TNFRSF1B: variants seen among roughly 807,000 people sequenced by gnomAD.
The protein encoded by TNFRSF1B is tumor necrosis factor receptor superfamily member 1B.
A neutral mutation model predicts 44.6 loss-of-function variants in TNFRSF1B; 19 were observed. The ratio of observed to expected loss-of-function variants is 0.43; its 90% CI spans 0.30 to 0.62. The LOEUF is 0.62. TNFRSF1B is among the 20% of genes least tolerant of loss of function. The probability of loss-of-function intolerance (pLI) is 0.16; values close to 1 mark genes in which losing one functional copy is unlikely to be tolerated. For synonymous variants in TNFRSF1B, 252 were observed against 261.1 expected (o/e 0.97, Z 0.34); for missense variants, 541 against 619.9 (o/e 0.87, Z 1.35).
chr1:12,188,853 T>C lies in TNFRSF1B; in HGVS notation c.136T>C (p.Tyr46His), dbSNP rs1440783235. 1 of 1,613,880 alleles carries C rather than the reference T, an allele frequency of 6.2e-7. No homozygotes were observed. The highest frequency in any genetic ancestry group is 8.5e-7 in the Non-Finnish European group (1 of 1,179,876). Residue 46 changes from tyrosine (Y) to histidine (H), a missense_variant, in exon 2 of 10, where the codon TAT (tyrosine) becomes CAT (histidine). Tyr to His is a moderately conservative substitution (Grantham distance 83). Transcript: ENST00000376259. ...GAGCACATGCCGGCTCAGAGAATAC[T>C]ATGACCAGACAGCTCAGATGTGCTG... ...PGSTCRLREYYDQTAQMCCSK... is the reference protein window; with the variant it reads ...PGSTCRLREYHDQTAQMCCSK...
intron 1 of TNFRSF1B, 75 bp from the exon 2 acceptor site, chr1:12,188,721 C>A: frequency 2.2e-6 from 3 of 1,372,330 alleles, no homozygotes; most frequent in South Asian, 1.2e-5. Flanking sequence ...ATTTGCAGGG[C>A]GGGGACCTGG....
rs201137855 is a variant in TNFRSF1B, at chr1:12,183,694, A to AT, written c.79-5101dup. ...TATCTATCTATCTATCTATCTATCT[A>AT]TCTATCTATCTATCTATTCTATCTA... On this transcript the variant is annotated intron_variant, in intron 1 of 9. Coordinates refer to ENST00000376259, the MANE Select transcript of TNFRSF1B (RefSeq NM_001066.3). Among the ~76,000 whole-genome samples the AT allele has an allele frequency of 1.3e-3, 163 of 122,238 alleles. 2 individuals carry two copies. The highest frequency in any genetic ancestry group is 3.0e-3 in the African/African-American group (107 of 35,652). 80.2% of individuals were successfully genotyped at this position (122,238 alleles called of 152,430 possible). A position where few individuals can be genotyped will look rare whatever the true frequency, so the allele number is the denominator to read the frequency against.
intron 1 of TNFRSF1B, 52 bp downstream of exon 1, chr1:12,167,221 G>C (rs1416550933): frequency 8.2e-7 from 1 of 1,215,208 alleles, no homozygotes; most frequent in African/African-American, 1.6e-5. Context: ...TGTCCACCCG[G>C]CTGGTGCGCA....
rs947282273 is a variant in TNFRSF1B, at chr1:12,169,293, G to A, written c.78+2124G>A. ...CCTCTTCCTTCTCATCAGTAGCATC[G>A]CCATAGCTCCTGATTTCTGAACACC... On this transcript the variant is annotated intron_variant, in intron 1 of 9. Coordinates refer to ENST00000376259, the MANE Select transcript of TNFRSF1B (RefSeq NM_001066.3). The surrounding 1 kb of genome is among the most constrained non-coding windows in gnomAD (Gnocchi z 4.5). Among the ~76,000 whole-genome samples, 2 of 152,136 alleles carry A rather than the reference G, an allele frequency of 1.3e-5. No homozygotes were observed. The highest frequency in any genetic ancestry group is 2.9e-5 in the Non-Finnish European group (2 of 68,024).
In TNFRSF1B at chr1:12,194,486, C is replaced by T. The variant is rs1336353407; in HGVS notation, c.866-98C>T. On this transcript the variant is annotated intron_variant, in intron 7 of 9. Transcript: ENST00000376259. ...GCGATTGGTCCCCACAGGGCTGGGC[C>T]TCTCTGCTGGTTCTATGGGGCCCCA... 9.0e-6 allele frequency: 12 copies of T among 1,326,946 alleles called. No homozygotes were observed. The Admixed American group carries it at 1.2e-4, about 13-fold the overall frequency. The allele number at this position is 1,326,946 out of a possible 1,614,324, so 82.2% of individuals were successfully genotyped here. A position where few individuals can be genotyped will look rare whatever the true frequency, so the allele number is the denominator to read the frequency against.
intron 1 of TNFRSF1B, among the ~76,000 whole-genome samples, chr1:12,174,439 G>T (rs917815606): frequency 1.3e-5 from 2 of 152,060 alleles, no homozygotes; most frequent in Non-Finnish European, 2.9e-5. Flanking sequence ...GTAGAGATGG[G>T]GTTTCACCAT....
intron 2 of TNFRSF1B, 95 bp from the exon 3 acceptor site, chr1:12,190,862 G>C: frequency 6.8e-7 from 1 of 1,474,748 alleles, no homozygotes; most frequent in Non-Finnish European, 9.2e-7. Context: ...TCCCAGCTGG[G>C]CTTTAGAACT....
intron 1 of TNFRSF1B, among the ~76,000 whole-genome samples, chr1:12,170,315 C>T (rs572556147): frequency 1.3e-5 from 2 of 152,352 alleles, no homozygotes; most frequent in South Asian, 2.1e-4. Flanking sequence ...ACAGACCTCA[C>T]AGACCTGGGC....
In TNFRSF1B at chr1:12,207,010, A is replaced by G; in HGVS notation, c.1376A>G (p.Lys459Arg). The change falls in exon 10 of 10, where the codon AAG becomes AGG. Residue 459 changes from lysine to arginine, a missense_variant. Physicochemically the swap from Lys to Arg is conservative, Grantham distance 26 (BLOSUM62 2). Transcript: ENST00000376259. ...CTTGGAGTGCCTGATGCTGGGATGA[A>G]GCCCAGTTAACCAGGCCGGTGTGGG... ...LPLGVPDAGM[K>R]PS The G allele has an allele frequency of 6.3e-7, 1 of 1,586,036 alleles. No individual in the cohort carries two copies. The highest frequency in any genetic ancestry group is 8.6e-7 in the Non-Finnish European group (1 of 1,160,544).
chr1:12,179,438 G>A (rs1440338705), intron 1 of TNFRSF1B, among the ~76,000 whole-genome samples: 2 of 152,202 alleles, frequency 1.3e-5, no homozygotes, highest in African/African-American at 2.4e-5. Flanking sequence ...CGCCCTAGGG[G>A]CCCCGCGACC....
rs983094931 is a variant in TNFRSF1B, at chr1:12,193,195, G to C, written c.787+97G>C. On this transcript the variant is annotated intron_variant, in intron 6 of 9. Coordinates refer to ENST00000376259, the MANE Select transcript of TNFRSF1B (RefSeq NM_001066.3). ...CCATGGTTTTACTGAGAGCCCACGG[G>C]GGGCTGGACCCTGTGCCCTGTCCTG... 6 of 1,134,808 alleles carry C rather than the reference G, an allele frequency of 5.3e-6. No homozygotes were observed. The East Asian group carries it at 1.5e-4, about 29-fold the overall frequency. The allele number at this position is 1,134,808 out of a possible 1,614,324, so 70.3% of individuals were successfully genotyped here. A position where few individuals can be genotyped will look rare whatever the true frequency, so the allele number is the denominator to read the frequency against.
At chr1:12,173,072 C>A (rs899143576) in intron 1 of TNFRSF1B, among the ~76,000 whole-genome samples, 3 of 152,210 alleles carry the variant, frequency 2.0e-5, no homozygotes, top group African/African-American at 7.2e-5. Flanking sequence ...CAGCATGGCT[C>A]TGAGGAAGGA....
Position 12,192,493 on chromosome 1 carries a change from T to C in TNFRSF1B, c.520T>C (p.Ser174Pro). Residue 174 changes from serine (S) to proline (P), a missense_variant, in exon 5 of 10, where the codon TCA (serine) becomes CCA (proline). Transcript: ENST00000376259. ...CAPGTFSNTT[S>P]STDICRPHQI... The stretch of plus-strand genomic sequence containing the variant: ...CCCGGGGACGTTCTCCAACACGACT[T>C]CATCCACGGATATTTGCAGGCCCCA... 6.2e-7 allele frequency: 1 copy of C among 1,614,140 alleles called. No homozygotes were observed. Among genetic ancestry groups the C allele is most frequent in the Non-Finnish European group, 8.5e-7 (1 of 1,180,002 alleles).
At chr1:12,202,576 A>G (rs185763046) in intron 9 of TNFRSF1B, among the ~76,000 whole-genome samples, 21 of 152,290 alleles carry the variant, frequency 1.4e-4, no homozygotes, top group Non-Finnish European at 2.5e-4. Context: ...ACACCTGGTG[A>G]GCCTGGATCA....
chr1:12,202,095 C>A lies in TNFRSF1B; in HGVS notation c.1029C>A (p.Pro343=). ...CCAGTGCGTTGGACAGAAGGGCGCC[C>A]ACTCGGAACCAGCCACAGGCACCAG... ...SSASALDRRA[P]TRNQPQAPGV... The change falls in exon 9 of 10, where the codon CCC becomes CCA. Residue 343 remains proline, a synonymous_variant. Coordinates refer to ENST00000376259, the MANE Select transcript of TNFRSF1B (RefSeq NM_001066.3). 6.3e-7 allele frequency: 1 copy of A among 1,579,460 alleles called. No homozygotes were observed. Among genetic ancestry groups the A allele is most frequent in the East Asian group, 2.3e-5 (1 of 42,886 alleles).
At position 12,186,163 on chromosome 1, in the gene TNFRSF1B, G is replaced by A. The variant is rs1046057337; in HGVS notation, c.79-2633G>A. Reference sequence around the variant, plus strand: ...GGGTCGTTCCCGCTGAGGGATTCCAGCTGTTGGCACCGAGGGGTGCAGCCA... The same window carrying A: ...GGGTCGTTCCCGCTGAGGGATTCCAACTGTTGGCACCGAGGGGTGCAGCCA... On this transcript the variant is annotated intron_variant, in intron 1 of 9. Transcript: ENST00000376259. The surrounding 1 kb of genome is among the most constrained non-coding windows in gnomAD (Gnocchi z 4.8). Among the ~76,000 whole-genome samples, 10 of 152,200 alleles carry A rather than the reference G, an allele frequency of 6.6e-5. No individual in the cohort carries two copies. Among genetic ancestry groups the A allele is most frequent in the African/African-American group, 2.2e-4 (9 of 41,454 alleles).
At chr1:12,179,608 T>C (rs1323662942) in intron 1 of TNFRSF1B, among the ~76,000 whole-genome samples, 1 of 152,180 alleles carries the variant, frequency 6.6e-6, no homozygotes, top group Non-Finnish European at 1.5e-5. Context: ...CTGAACCACC[T>C]GCCCCTGCTC....
chr1:12,201,895 G>A, intron 8 of TNFRSF1B, 72 bp from the exon 9 acceptor site: 1 of 1,504,844 alleles, frequency 6.6e-7, no homozygotes, highest in Non-Finnish European at 9.0e-7. Flanking sequence ...GGATGGCAGT[G>A]GGAAGGAAGA....
rs115381930 is a variant in TNFRSF1B, at chr1:12,199,510, G to A, written c.901-2457G>A. ...GGCCTCTTGGGGATGGCTTGCACGAGATCCCTCCAGTCCTGAGTGAGAGGC... is the reference window on the plus strand; with the variant it reads ...GGCCTCTTGGGGATGGCTTGCACGAAATCCCTCCAGTCCTGAGTGAGAGGC... On this transcript the variant is annotated intron_variant, in intron 8 of 9. Coordinates refer to ENST00000376259, the MANE Select transcript of TNFRSF1B (RefSeq NM_001066.3). This position sits in a 1 kb window ranked among gnomAD's most constrained non-coding sequence, Gnocchi z 4.0. Among the ~76,000 whole-genome samples the A allele has an allele frequency of 1.5e-3, 236 of 152,356 alleles. No homozygotes were observed. Among genetic ancestry groups the A allele is most frequent in the African/African-American group, 5.3e-3 (219 of 41,596 alleles).
Sources: gnomAD v4.1 joint callset for allele counts (sites outside exome capture counted in the v4.1 genomes callset) on GRCh38, gnomAD v4.1.1 for gene constraint, Gnocchi (gnomAD v3.1) non-coding constraint, MANE v1.5 for transcripts, NCBI Gene and HGNC (gene_info 2026-07-23, HGNC 2026-07-21) for gene names.